PRELID2: variants seen among roughly 807,000 people sequenced by gnomAD.
PRELID2 encodes the protein PRELI domain-containing protein 2.
In PRELID2, 25 loss-of-function variants were observed where a neutral mutation model predicts 28.4. The observed-to-expected ratio is 0.88, with a 90% CI of 0.64 to 1.23. PRELID2 has a LOEUF of 1.23. Ranked by LOEUF, PRELID2 falls within the 50% of genes most tolerant of loss-of-function variation. The pLI is 0.00. For missense variants in PRELID2, 201 were observed against 214.4 expected (o/e 0.94, Z 0.39); for synonymous variants, 76 against 71.6 (o/e 1.06, Z -0.31).
At chr5:145,784,043 A>T (rs1346061539) in intron 5 of PRELID2, among the ~76,000 whole-genome samples, 26 of 152,072 alleles carry the variant, frequency 1.7e-4, no homozygotes, top group Admixed American at 1.7e-3. Context: ...GCATTTTGGG[A>T]GGCTGAGGTG....
chr5:145,625,559 A>T (rs551692743), intron 1 of PRELID2, among the ~76,000 whole-genome samples: 1 of 152,286 alleles, frequency 6.6e-6, no homozygotes, highest in East Asian at 1.9e-4. Context: ...TTCCAATAAA[A>T]ATCCAACATC....
chr5:145,335,228 T>A, the PRELID2 span, among the ~76,000 whole-genome samples: 1 of 151,980 alleles, frequency 6.6e-6, no homozygotes, highest in Non-Finnish European at 1.5e-5. Context: ...GATTCTTTCT[T>A]TCTTCTGCTT....
the PRELID2 span, among the ~76,000 whole-genome samples, chr5:145,397,278 A>C: frequency 2.0e-5 from 3 of 152,182 alleles, no homozygotes; most frequent in Non-Finnish European, 4.4e-5. Flanking sequence ...TAGGGATATC[A>C]GTAAAAAGTA....
chr5:145,483,084 C>T (rs1220477580), intron 1 of PRELID2, among the ~76,000 whole-genome samples: 1 of 152,120 alleles, frequency 6.6e-6, no homozygotes, highest in Non-Finnish European at 1.5e-5. Context: ...TTATTATCAT[C>T]TCTATTTTAT....
At chr5:145,251,345 G>A in the PRELID2 span, among the ~76,000 whole-genome samples, 13,151 of 152,126 alleles carry the variant, frequency 0.086, 1,204 homozygotes, top group African/African-American at 0.24. Flanking sequence ...TACTGACCCT[G>A]CTGCCCAAGC....
chr5:145,289,715 A>G, the PRELID2 span, among the ~76,000 whole-genome samples: 1 of 152,202 alleles, frequency 6.6e-6, no homozygotes, highest in African/African-American at 2.4e-5. Flanking sequence ...CATCTGCACC[A>G]GTAATGAATG....
At chr5:145,510,742 C>A (rs149108777) in intron 1 of PRELID2, among the ~76,000 whole-genome samples, 1,893 of 152,356 alleles carry the variant, frequency 0.012, 18 homozygotes, top group Middle Eastern at 0.034. Context: ...TGTCCTCTTA[C>A]TGGGCATGCT....
chr5:145,487,097 G>A (rs1200589930), intron 1 of PRELID2, among the ~76,000 whole-genome samples: 7 of 122,828 alleles, frequency 5.7e-5, no homozygotes, highest in Admixed American at 9.2e-5. Context: ...GTGGTGGGGT[G>A]GGGGGAGGGG....
intron 1 of PRELID2, among the ~76,000 whole-genome samples, chr5:145,507,815 C>T (rs1264181073): frequency 6.6e-6 from 1 of 152,130 alleles, no homozygotes; most frequent in African/African-American, 2.4e-5. Flanking sequence ...AGATGGAGTC[C>T]TTTTATTGCT....
chr5:145,706,537 C>T (rs1299958050), intron 1 of PRELID2, among the ~76,000 whole-genome samples: 1 of 152,128 alleles, frequency 6.6e-6, no homozygotes, highest in Non-Finnish European at 1.5e-5. Flanking sequence ...CTTCATCTAG[C>T]CTCCACCCAT....
intron 1 of PRELID2, among the ~76,000 whole-genome samples, chr5:145,551,442 C>T (rs1752833375): frequency 6.8e-6 from 1 of 147,714 alleles, no homozygotes; most frequent in African/African-American, 2.6e-5. Context: ...ATAAATAAAC[C>T]TGCTTAACAA....
chr5:145,303,564 G>C, the PRELID2 span, among the ~76,000 whole-genome samples: 2 of 152,040 alleles, frequency 1.3e-5, no homozygotes, highest in African/African-American at 4.8e-5. Flanking sequence ...TCTCTAGGAA[G>C]AGCAACATAG....
At chr5:145,331,598 C>A in the PRELID2 span, among the ~76,000 whole-genome samples, 1 of 151,758 alleles carries the variant, frequency 6.6e-6, no homozygotes, top group Non-Finnish European at 1.5e-5. Flanking sequence ...ACAACCCCTC[C>A]TTTTTTTTGC....
At chr5:145,248,987 T>TATCCCACTTTA in the PRELID2 span, among the ~76,000 whole-genome samples, 172 of 152,278 alleles carry the variant, frequency 1.1e-3, 2 homozygotes, top group South Asian at 1.0e-2. Flanking sequence ...GTTTCACTTA[T>TATCCCACTTTA]ATAACCTCAA....
chr5:145,394,048 A>C, the PRELID2 span, among the ~76,000 whole-genome samples: 1 of 152,176 alleles, frequency 6.6e-6, no homozygotes, highest in African/African-American at 2.4e-5. Flanking sequence ...CTAGAACTAG[A>C]AATACCATTT....
At chr5:145,521,902 A>G (rs930416237) in intron 1 of PRELID2, among the ~76,000 whole-genome samples, 3 of 152,230 alleles carry the variant, frequency 2.0e-5, no homozygotes, top group Non-Finnish European at 2.9e-5. Flanking sequence ...GTATTTGACC[A>G]TAGAAAGTTG....
At chr5:145,353,278 C>A in the PRELID2 span, among the ~76,000 whole-genome samples, 2 of 151,888 alleles carry the variant, frequency 1.3e-5, no homozygotes, top group African/African-American at 4.8e-5. Flanking sequence ...GCCAACATAG[C>A]CAGTTTCTAC....
At chr5:145,481,550 G>C (rs997759974) in intron 1 of PRELID2, among the ~76,000 whole-genome samples, 5 of 138,770 alleles carry the variant, frequency 3.6e-5, no homozygotes, top group African/African-American at 1.3e-4. Flanking sequence ...CAAATTAGCT[G>C]TCCCTCAACC....
chr5:145,502,880 C>G (rs1466202207), intron 1 of PRELID2, among the ~76,000 whole-genome samples: 1 of 150,198 alleles, frequency 6.7e-6, no homozygotes, highest in Non-Finnish European at 1.5e-5. Flanking sequence ...ATAGATATCA[C>G]TAATAAGGAC....
Sources: allele counts gnomAD v4.1 joint callset (sites outside exome capture counted in the v4.1 genomes callset), GRCh38; gene constraint gnomAD v4.1.1; transcripts MANE v1.5; gene names NCBI Gene and HGNC (gene_info 2026-07-23, HGNC 2026-07-21).